Variants in NHSL1 observed in about 807,000 individuals in gnomAD.
The protein encoded by NHSL1 is NHS-like protein 1.
In NHSL1, 48 loss-of-function variants were observed where a neutral mutation model predicts 95.0. The ratio of observed to expected loss-of-function variants is 0.51; its 90% CI spans 0.40 to 0.64. NHSL1 has a LOEUF of 0.64. Ranked by LOEUF, NHSL1 falls within the 30% of genes least tolerant of loss-of-function variation. The probability of loss-of-function intolerance (pLI) is 0.00; values close to 1 mark genes in which losing one functional copy is unlikely to be tolerated. For missense variants in NHSL1, 1,971 were observed against 2,077.7 expected (o/e 0.95, Z 1.00); for synonymous variants, 783 against 833.9 (o/e 0.94, Z 1.05).
At chr6:138,641,340 C>A (rs911985699) in intron 1 of NHSL1, among the ~76,000 whole-genome samples, 11 of 151,914 alleles carry the variant, frequency 7.2e-5, no homozygotes, top group Middle Eastern at 3.2e-3. Flanking sequence ...GTGAATACAC[C>A]CTTATAAAAT....
chr6:138,425,948 G>A (rs1211543965), intron 7 of NHSL1, among the ~76,000 whole-genome samples: 5 of 152,258 alleles, frequency 3.3e-5, no homozygotes, highest in South Asian at 2.1e-4. Flanking sequence ...TGGGGAAGAC[G>A]AAGGGGCAAT....
At chr6:138,668,388 A>G (rs1394092279) in intron 1 of NHSL1, among the ~76,000 whole-genome samples, 1 of 151,794 alleles carries the variant, frequency 6.6e-6, no homozygotes, top group Non-Finnish European at 1.5e-5. Flanking sequence ...GGTTGCAGTG[A>G]GCCGAGATGG....
At chr6:138,677,413 G>C (rs1235665956) in intron 1 of NHSL1, among the ~76,000 whole-genome samples, 3 of 152,142 alleles carry the variant, frequency 2.0e-5, no homozygotes, top group Non-Finnish European at 4.4e-5. Flanking sequence ...GGGAAATCAA[G>C]AGAGGTTGCC....
chr6:138,617,140 T>C (rs143165478), intron 1 of NHSL1, among the ~76,000 whole-genome samples: 166 of 152,254 alleles, frequency 1.1e-3, no homozygotes, highest in African/African-American at 3.8e-3. Flanking sequence ...TCAAGTACTA[T>C]AGTAACTAGG....
intron 1 of NHSL1, among the ~76,000 whole-genome samples, chr6:138,615,185 T>A (rs1006218329): frequency 2.6e-5 from 4 of 152,156 alleles, no homozygotes; most frequent in African/African-American, 9.6e-5. Context: ...ATCCGTATTG[T>A]CTCTCCAGCC....
chr6:138,529,278 T>C (rs1352494978), intron 1 of NHSL1, among the ~76,000 whole-genome samples: 1 of 152,166 alleles, frequency 6.6e-6, no homozygotes, highest in Non-Finnish European at 1.5e-5. Context: ...TTATCAGACA[T>C]TGTCCAATAT....
chr6:138,586,602 G>A (rs935621440), intron 1 of NHSL1, among the ~76,000 whole-genome samples: 2 of 152,186 alleles, frequency 1.3e-5, no homozygotes, highest in Non-Finnish European at 2.9e-5. Context: ...TCTGAGGAAA[G>A]ATTAAAATCT....
chr6:138,604,506 T>C (rs1406274141), intron 1 of NHSL1, among the ~76,000 whole-genome samples: 1 of 152,166 alleles, frequency 6.6e-6, no homozygotes, highest in Non-Finnish European at 1.5e-5. Context: ...CCTCTTACAA[T>C]AAGGCACAGC....
At chr6:138,473,021 T>G (rs374255344) in intron 3 of NHSL1, among the ~76,000 whole-genome samples, 4 of 152,232 alleles carry the variant, frequency 2.6e-5, no homozygotes, top group East Asian at 1.9e-4. Context: ...GTCTCCTTTA[T>G]GAATTCCTTA....
At chr6:138,684,602 G>A (rs144804853) in intron 1 of NHSL1, among the ~76,000 whole-genome samples, 28 of 151,874 alleles carry the variant, frequency 1.8e-4, no homozygotes, top group East Asian at 1.2e-3. Flanking sequence ...CCAAGATCGC[G>A]CCACTGCATT....
intron 1 of NHSL1, among the ~76,000 whole-genome samples, chr6:138,670,295 C>A (rs2114757834): frequency 6.6e-6 from 1 of 151,084 alleles, no homozygotes; most frequent in Middle Eastern, 3.4e-3. Flanking sequence ...GACTACTAGA[C>A]ACCTTAGGAA....
At chr6:138,437,626 G>T (rs1315549039) in intron 5 of NHSL1, among the ~76,000 whole-genome samples, 2 of 152,034 alleles carry the variant, frequency 1.3e-5, no homozygotes, top group Non-Finnish European at 2.9e-5. Flanking sequence ...CACAGATAGT[G>T]ATTCCTCTGA....
At chr6:138,534,682 T>C (rs993759377) in intron 1 of NHSL1, among the ~76,000 whole-genome samples, 2 of 152,146 alleles carry the variant, frequency 1.3e-5, no homozygotes, top group African/African-American at 4.8e-5. Flanking sequence ...CAACAGAAAC[T>C]CTATCAAACT....
intron 3 of NHSL1, among the ~76,000 whole-genome samples, chr6:138,456,115 A>T (rs2128228853): frequency 6.6e-6 from 1 of 152,356 alleles, no homozygotes; most frequent in Non-Finnish European, 1.5e-5. Flanking sequence ...ATGTAATTTT[A>T]TCGAAACCAG....
rs188704787 is a variant in NHSL1, at chr6:138,483,033, A to C, written c.212-9600T>G. On this transcript the variant is annotated intron_variant, in intron 2 of 7. Coordinates refer to ENST00000343505, the MANE Select transcript of NHSL1 (RefSeq NM_001144060.2). ...TGGATTCCTAGCAAGTCCTCAATCA[A>C]TGCTGATGCAGCTGTCCTGTGAGCC... 1.1e-3 allele frequency among the ~76,000 whole-genome samples: 168 copies of C among 152,314 alleles called. 1 individual carries two copies. Among genetic ancestry groups the C allele is most frequent in the African/African-American group, 3.6e-3 (149 of 41,558 alleles).
chr6:138,506,531 C>T (rs1312920885), intron 1 of NHSL1, among the ~76,000 whole-genome samples: 1 of 152,118 alleles, frequency 6.6e-6, no homozygotes, highest in South Asian at 2.1e-4. Context: ...AAAAAATAAT[C>T]TTTAAATATA....
upstream of NHSL1, among the ~76,000 whole-genome samples, chr6:138,546,635 C>T (rs1044231417): frequency 1.3e-5 from 2 of 151,846 alleles, no homozygotes; most frequent in African/African-American, 4.8e-5. Context: ...AAACAGAAAA[C>T]AAGAAAACCA....
At chr6:138,473,874 T>G (rs1468352846) in intron 2 of NHSL1, among the ~76,000 whole-genome samples, 1 of 152,226 alleles carries the variant, frequency 6.6e-6, no homozygotes, top group African/African-American at 2.4e-5. Context: ...ATGCTATGCT[T>G]GTTTCCTAGA....
intron 1 of NHSL1, among the ~76,000 whole-genome samples, chr6:138,520,866 C>G (rs1396015664): frequency 6.6e-6 from 1 of 151,986 alleles, no homozygotes; most frequent in Non-Finnish European, 1.5e-5. Context: ...TGGCTTGAAC[C>G]CCTGTTAGAA....
Sources: gnomAD v4.1 joint callset for allele counts (sites outside exome capture counted in the v4.1 genomes callset) on GRCh38, gnomAD v4.1.1 for gene constraint, MANE v1.5 for transcripts, NCBI Gene and HGNC (gene_info 2026-07-23, HGNC 2026-07-21) for gene names.